EPG5: variants seen among roughly 807,000 people sequenced by gnomAD.
The protein encoded by EPG5 is ectopic P granules protein 5 homolog.
EPG5 carries 159 observed loss-of-function variants against 302.7 expected under a neutral mutation model. That is an observed-to-expected ratio of 0.53 (90% confidence interval 0.46 to 0.60). EPG5 has a LOEUF of 0.60. Among genes scored for constraint, EPG5 ranks in the 20% least tolerant of loss-of-function variants. EPG5 has a pLI of 0.00. For missense variants in EPG5, 2,896 were observed against 3,092.4 expected, an observed-to-expected ratio of 0.94 and a Z score of 1.51; for synonymous variants, 1,158 against 1,136.8, an observed-to-expected ratio of 1.02 and a Z score of -0.37.
intron 9 of EPG5, among the ~76,000 whole-genome samples, chr18:45,941,136 C>T (rs2050656496): frequency 6.6e-6 from 1 of 152,046 alleles, no homozygotes; most frequent in East Asian, 1.9e-4. Context: ...CTGAGACACT[C>T]TAACATTAAG....
At chr18:45,868,366 T>G (rs995003538) in intron 36 of EPG5, among the ~76,000 whole-genome samples, 2 of 151,176 alleles carry the variant, frequency 1.3e-5, no homozygotes, top group African/African-American at 2.4e-5. Flanking sequence ...AGATGGAGTT[T>G]CACTCTTGTT....
chr18:45,885,571 C>G (rs927628627), intron 29 of EPG5, among the ~76,000 whole-genome samples: 1 of 152,004 alleles, frequency 6.6e-6, no homozygotes, highest in Non-Finnish European at 1.5e-5. Flanking sequence ...ATCAAGATGA[C>G]GTCATCTTGT....
the EPG5 span, chr18:45,829,018 C>T: frequency 1.4e-5 from 12 of 874,984 alleles, no homozygotes; most frequent in African/African-American, 9.2e-5. Context: ...CTATCTGGGG[C>T]GGGAAGGGGA....
At chr18:45,902,433 C>A (rs1235695116) in intron 25 of EPG5, among the ~76,000 whole-genome samples, 1 of 152,140 alleles carries the variant, frequency 6.6e-6, no homozygotes, top group Non-Finnish European at 1.5e-5. Context: ...AAACTGGGGG[C>A]TCTTTCAAAC....
rs188738484 is a variant in EPG5 at position 45,930,714 on chromosome 18, C to T, written c.2374G>A (p.Glu792Lys). 1.7e-4 allele frequency: 270 copies of T among 1,604,296 alleles called. 2 individuals are homozygous for T. The East Asian group carries it at 5.7e-3, about 34-fold the overall frequency. The change falls in exon 12 of 44, where the codon GAA (glutamate) becomes AAA (lysine). Residue 792 changes from glutamate to lysine, a missense_variant. Around this residue, in one of 5 missense-constraint regions of EPG5, gnomAD observed 1,390 missense variants for 1,430.0 expected, o/e 0.97. Transcript: ENST00000282041. The part of the protein sequence containing the change: ...MAQARRTNVD[E>K]DFIKIIVLEI... ...AGAACAATAATTTTTATGAAGTCTT[C>T]GTCCACATTGGTTCTTCTGGCCTGA... is the stretch of plus-strand genomic sequence containing the variant.
At position 45,963,060 on chromosome 18, in the gene EPG5, C is replaced by T. The variant is rs117861858; in HGVS notation, c.63+4117G>A. Reference sequence around the variant, plus strand: ...TACTGGCATTTATTTCATCATTCGACGAACATTATCAAGTGACAAAGAGGC... The same window carrying T: ...TACTGGCATTTATTTCATCATTCGATGAACATTATCAAGTGACAAAGAGGC... On this transcript the variant is annotated intron_variant, in intron 1 of 43. Transcript: ENST00000282041. 5.9e-5 allele frequency among the ~76,000 whole-genome samples: 9 copies of T among 152,102 alleles called. No homozygotes were observed. In the East Asian group the frequency reaches 1.7e-3, roughly 29 times the overall value.
intron 16 of EPG5, 142 bp downstream of exon 16, chr18:45,922,199 A>C (rs772979436): frequency 2.5e-5 from 26 of 1,019,912 alleles, no homozygotes; most frequent in Non-Finnish European, 3.5e-5. Context: ...CCCCTTGATA[A>C]GCTGTTAATC....
chr18:45,863,162 G>A (rs992671191), intron 39 of EPG5, among the ~76,000 whole-genome samples: 1 of 152,134 alleles, frequency 6.6e-6, no homozygotes, highest in Admixed American at 6.5e-5. Flanking sequence ...TCATCTTGTG[G>A]AAAGCTTTCT....
chr18:45,823,798 C>A, the EPG5 span, among the ~76,000 whole-genome samples: 1 of 152,140 alleles, frequency 6.6e-6, no homozygotes, highest in Non-Finnish European at 1.5e-5. Context: ...GACAACACAG[C>A]ACAGCACGTG....
chr18:45,900,801 G>A (rs183261348), intron 26 of EPG5, among the ~76,000 whole-genome samples, 195 bp downstream of exon 26: 21 of 152,318 alleles, frequency 1.4e-4, no homozygotes, highest in African/African-American at 4.8e-4. Context: ...TAGTTGGTGA[G>A]AGTACCACAT....
intron 35 of EPG5, among the ~76,000 whole-genome samples, chr18:45,874,141 T>C (rs1480394077): frequency 2.6e-5 from 4 of 152,250 alleles, no homozygotes; most frequent in African/African-American, 9.6e-5. Flanking sequence ...GAGAGAACAC[T>C]AATGTAAATC....
chr18:45,821,206 T>C, the EPG5 span, among the ~76,000 whole-genome samples: 590 of 152,376 alleles, frequency 3.9e-3, 7 homozygotes, highest in African/African-American at 0.013. Context: ...ATGGACTTTA[T>C]GTTCTCTGAG....
rs777398434 is a variant in EPG5 at position 45,879,172 on chromosome 18, G to A, written c.5710C>T (p.Leu1904Phe). 1 of 1,613,666 alleles carries A rather than the reference G, an allele frequency of 6.2e-7. No individual in the cohort carries two copies. Residue 1904 changes from leucine to phenylalanine, a missense_variant, in exon 33 of 44, where the codon CTT (leucine) becomes TTT (phenylalanine). This residue lies in a region of EPG5 where 790 missense variants were observed against 798.0 expected (regional missense o/e 0.99). Transcript: ENST00000282041. ...TTAAAGTCCATCTTGGATAACCGAA[G>A]CTTATAAAAAAAGTCTGAAAGCCAC... ...IQWLSDFFYK[L>F]RLSKMDFKSF...
At chr18:45,967,141 C>T (rs1218325108) in intron 1 of EPG5, 36 bp downstream of exon 1, 3 of 1,523,156 alleles carry the variant, frequency 2.0e-6, no homozygotes, top group Non-Finnish European at 1.8e-6. Flanking sequence ...ACACAGCACA[C>T]TGCCAGAGCC....
chr18:45,882,558 T>C (rs2055819036), intron 30 of EPG5, 71 bp from the exon 31 acceptor site: 1 of 1,323,438 alleles, frequency 7.6e-7, no homozygotes, highest in African/African-American at 1.5e-5. Flanking sequence ...GAGAGGTCTG[T>C]GTAAATTTAG....
Position 45,867,634 on chromosome 18 carries a change from G to A in EPG5, c.6340C>T (p.Arg2114Cys), listed in dbSNP as rs775329245. ...AAAAGGAGGCAGACAATCATGCTGC[G>A]GGTTTCTGGGTGGGGACTGGAATTC... ...AWNSSPHPET[R>C]SMIVCLLFMM... Residue 2114 changes from arginine (R) to cysteine (C), a missense_variant, in exon 37 of 44, where the codon CGC becomes TGC. Arg to Cys is a radical substitution (Grantham distance 180). Coordinates refer to ENST00000282041, the MANE Select transcript of EPG5 (RefSeq NM_020964.3). The A allele has an allele frequency of 2.4e-5, 39 of 1,613,908 alleles. No homozygotes were observed. The highest frequency in any genetic ancestry group is 2.2e-4 in the Admixed American group (13 of 59,988).
chr18:45,854,366 G>A (rs1344454273), intron 43 of EPG5, among the ~76,000 whole-genome samples: 3 of 152,222 alleles, frequency 2.0e-5, no homozygotes, highest in African/African-American at 7.2e-5. Context: ...ACATGACAAA[G>A]TTGCCCCAGC....
At chr18:45,939,080 T>C (rs1339800421) in intron 10 of EPG5, among the ~76,000 whole-genome samples, 4 of 152,138 alleles carry the variant, frequency 2.6e-5, no homozygotes, top group African/African-American at 2.4e-5. Context: ...TGCCTATGCC[T>C]CAAACAGGTC....
intron 4 of EPG5, among the ~76,000 whole-genome samples, chr18:45,950,187 G>A (rs1250806994): frequency 6.6e-6 from 1 of 152,174 alleles, no homozygotes; most frequent in African/African-American, 2.4e-5. Context: ...CACAAGACCA[G>A]AAGTATTTCA....
Sources: gnomAD v4.1 joint callset for allele counts (sites outside exome capture counted in the v4.1 genomes callset) on GRCh38, gnomAD v4.1.1 for gene constraint, gnomAD v4.1.1 regional missense constraint, MANE v1.5 for transcripts, NCBI Gene and HGNC (gene_info 2026-07-23, HGNC 2026-07-21) for gene names.